The following PTPRD variants were observed in gnomAD, a reference collection of about 807,000 sequenced individuals.
PTPRD encodes receptor-type tyrosine-protein phosphatase delta.
A neutral mutation model predicts 214.5 loss-of-function variants in PTPRD; 34 were observed. The observed-to-expected ratio is 0.16, with a 90% CI of 0.12 to 0.21. The LOEUF is 0.21. Ranked by LOEUF, PTPRD falls within the 10% of genes least tolerant of loss-of-function variation. The pLI is 1.00. For missense variants in PTPRD, 2,545 were observed against 2,398.7 expected (o/e 1.06, Z -1.27); for synonymous variants, 1,128 against 845.7 (o/e 1.33, Z -5.79).
chr9:9,628,677 A>C (rs561207029), intron 7 of PTPRD, among the ~76,000 whole-genome samples: 1 of 152,100 alleles, frequency 6.6e-6, no homozygotes, highest in South Asian at 2.1e-4. Context: ...CCCAATTCCA[A>C]CCTCCTTCTT....
chr9:9,868,646 A>T (rs139873120), intron 5 of PTPRD, among the ~76,000 whole-genome samples: 67 of 152,200 alleles, frequency 4.4e-4, no homozygotes, highest in African/African-American at 1.6e-3. Flanking sequence ...CGTGCAGTGT[A>T]ACAGGGTTTG....
intron 5 of PTPRD, among the ~76,000 whole-genome samples, chr9:9,877,845 T>G (rs1037185300): frequency 6.6e-6 from 1 of 151,866 alleles, no homozygotes; most frequent in African/African-American, 2.4e-5. Flanking sequence ...CGGTGGCCCA[T>G]GCCTGTAATC....
At chr9:9,430,200 A>G (rs1015339894) in intron 8 of PTPRD, among the ~76,000 whole-genome samples, 4 of 152,226 alleles carry the variant, frequency 2.6e-5, no homozygotes, top group Non-Finnish European at 4.4e-5. Flanking sequence ...CAACTTCAGC[A>G]AAGTCTCAGC....
At chr9:9,876,100 C>G (rs964167584) in intron 5 of PTPRD, among the ~76,000 whole-genome samples, 4 of 151,886 alleles carry the variant, frequency 2.6e-5, no homozygotes, top group Non-Finnish European at 4.4e-5. Context: ...CATGCATAGG[C>G]CAGTAAGAGA....
intron 9 of PTPRD, among the ~76,000 whole-genome samples, chr9:9,288,271 T>C (rs1218232832): frequency 6.6e-6 from 1 of 151,932 alleles, no homozygotes; most frequent in Non-Finnish European, 1.5e-5. Context: ...TTATTCAGTA[T>C]ATTATGCTAT....
At chr9:9,338,003 A>T (rs2045260434) in intron 9 of PTPRD, among the ~76,000 whole-genome samples, 1 of 152,226 alleles carries the variant, frequency 6.6e-6, no homozygotes, top group African/African-American at 2.4e-5. Context: ...GATAACTTTG[A>T]TCAAAACAAC....
intron 7 of PTPRD, among the ~76,000 whole-genome samples, chr9:9,610,531 G>A (rs2094460232): frequency 6.6e-6 from 1 of 152,002 alleles, no homozygotes; most frequent in Non-Finnish European, 1.5e-5. Flanking sequence ...AATTTTTTTA[G>A]GACAAATTAG....
At chr9:9,636,312 C>T (rs1440793356) in intron 7 of PTPRD, among the ~76,000 whole-genome samples, 1 of 151,966 alleles carries the variant, frequency 6.6e-6, no homozygotes, top group Non-Finnish European at 1.5e-5. Flanking sequence ...TGTAATTTTA[C>T]ATTTGTTTCT....
chr9:9,917,624 G>A (rs1381605740), intron 5 of PTPRD, among the ~76,000 whole-genome samples: 1 of 151,756 alleles, frequency 6.6e-6, no homozygotes, highest in Non-Finnish European at 1.5e-5. Context: ...AAGCAGACAA[G>A]GATATAAAAA....
intron 4 of PTPRD, among the ~76,000 whole-genome samples, chr9:10,028,711 T>C (rs911137252): frequency 3.9e-5 from 6 of 152,114 alleles, no homozygotes; most frequent in African/African-American, 1.2e-4. Context: ...GCGGAAGAAA[T>C]TTCTAAGCAG....
At chr9:8,340,928 A>G (rs1851883089) in intron 41 of PTPRD, among the ~76,000 whole-genome samples, 162 bp downstream of exon 41, 1 of 152,060 alleles carries the variant, frequency 6.6e-6, no homozygotes, top group African/African-American at 2.4e-5. Flanking sequence ...ACTACTCCTA[A>G]CTCCTATCCA....
At chr9:9,309,398 C>T (rs1179373757) in intron 9 of PTPRD, among the ~76,000 whole-genome samples, 1 of 152,086 alleles carries the variant, frequency 6.6e-6, no homozygotes, top group Non-Finnish European at 1.5e-5. Flanking sequence ...ACATTATGTG[C>T]TAGCAATGAT....
At chr9:9,064,678 C>A (rs986377421) in intron 10 of PTPRD, among the ~76,000 whole-genome samples, 1 of 152,126 alleles carries the variant, frequency 6.6e-6, no homozygotes, top group South Asian at 2.1e-4. Context: ...TACTGTTAGG[C>A]CAATGATTTC....
At chr9:9,029,460 G>T (rs2154375363) in intron 10 of PTPRD, among the ~76,000 whole-genome samples, 1 of 151,124 alleles carries the variant, frequency 6.6e-6, no homozygotes, top group East Asian at 2.0e-4. Context: ...AAATTGGGTA[G>T]CAGTGTACAC....
At chr9:10,250,067 A>G (rs759405366) in intron 3 of PTPRD, among the ~76,000 whole-genome samples, 3 of 152,136 alleles carry the variant, frequency 2.0e-5, no homozygotes, top group Non-Finnish European at 2.9e-5. Context: ...CTTTCATTCT[A>G]GTTACTGTAC....
At chr9:9,953,766 T>G (rs2093659561) in intron 4 of PTPRD, among the ~76,000 whole-genome samples, 1 of 152,136 alleles carries the variant, frequency 6.6e-6, no homozygotes, top group Non-Finnish European at 1.5e-5. Context: ...AGGTACCATC[T>G]GGCAATGCTT....
chr9:10,294,446 T>A (rs2095617519), intron 3 of PTPRD, among the ~76,000 whole-genome samples: 1 of 151,992 alleles, frequency 6.6e-6, no homozygotes, highest in Non-Finnish European at 1.5e-5. Context: ...TTTCCACAAT[T>A]TGGACAATGA....
chr9:8,320,192 G>T (rs1209610042), intron 44 of PTPRD, among the ~76,000 whole-genome samples: 1 of 152,072 alleles, frequency 6.6e-6, no homozygotes, highest in African/African-American at 2.4e-5. Flanking sequence ...CTAATAAAAG[G>T]TCTTTTCAAT....
chr9:9,477,281 C>A (rs1324235900), intron 8 of PTPRD, among the ~76,000 whole-genome samples: 1 of 152,118 alleles, frequency 6.6e-6, no homozygotes, highest in South Asian at 2.1e-4. Flanking sequence ...TGCCTCTAAC[C>A]GTAAAGGTAG....
Sources: gnomAD v4.1 joint callset for allele counts (sites outside exome capture counted in the v4.1 genomes callset) on GRCh38, gnomAD v4.1.1 for gene constraint, MANE v1.5 for transcripts, NCBI Gene and HGNC (gene_info 2026-07-23, HGNC 2026-07-21) for gene names.